The following CALD1 variants were observed in gnomAD, a reference collection of about 807,000 sequenced individuals.
CALD1 encodes caldesmon 1, also known as caldesmon.
In CALD1, 33 loss-of-function variants were observed where a neutral mutation model predicts 99.9. The ratio of observed to expected loss-of-function variants is 0.33; its 90% confidence interval spans 0.25 to 0.44. The LOEUF (loss-of-function observed/expected upper bound fraction) is 0.44. Ranked by LOEUF, CALD1 falls within the 20% of genes least tolerant of loss-of-function variation. CALD1 has a pLI of 1.00. For missense variants in CALD1, 861 were observed against 962.1 expected (o/e 0.89, Z 1.39); for synonymous variants, 310 against 325.0 (o/e 0.95, Z 0.50).
chr7:134,762,240 A>G (rs1360588517), intron 1 of CALD1, among the ~76,000 whole-genome samples: 1 of 152,212 alleles, frequency 6.6e-6, no homozygotes, highest in East Asian at 1.9e-4. Context: ...CTTCTAAGTG[A>G]GTGTAGTCCC....
intron 3 of CALD1, among the ~76,000 whole-genome samples, chr7:134,914,753 T>C (rs1378928483): frequency 6.6e-6 from 1 of 152,224 alleles, no homozygotes; most frequent in African/African-American, 2.4e-5. Context: ...CTCCCAATGC[T>C]AGCCATCCCA....
chr7:134,765,605 T>G (rs960040811), intron 1 of CALD1, among the ~76,000 whole-genome samples: 1 of 152,218 alleles, frequency 6.6e-6, no homozygotes, highest in Non-Finnish European at 1.5e-5. Context: ...TATCAATGTA[T>G]TCCCAGGTGA....
At chr7:134,901,630 G>A (rs1803006069) in intron 3 of CALD1, among the ~76,000 whole-genome samples, 1 of 152,086 alleles carries the variant, frequency 6.6e-6, no homozygotes, top group African/African-American at 2.4e-5. Context: ...TTGTCTCACA[G>A]TTGTGGAGGC....
intron 1 of CALD1, among the ~76,000 whole-genome samples, chr7:134,766,915 C>T (rs888863081): frequency 3.3e-5 from 5 of 152,052 alleles, no homozygotes; most frequent in Non-Finnish European, 7.4e-5. Context: ...TGGGGAGGGG[C>T]TGCTTCATAA....
intron 3 of CALD1, among the ~76,000 whole-genome samples, chr7:134,918,981 AGAG>A (rs1328634033): frequency 2.6e-5 from 4 of 152,222 alleles, no homozygotes; most frequent in Non-Finnish European, 4.4e-5. Flanking sequence ...GCTGGGTTAC[AGAG>A]GAGAACTTGT....
At chr7:134,855,153 TC>T (rs1342376501) in intron 2 of CALD1, among the ~76,000 whole-genome samples, 3 of 152,194 alleles carry the variant, frequency 2.0e-5, no homozygotes, top group Non-Finnish European at 4.4e-5. Flanking sequence ...CTCAGATGGT[TC>T]TTTATAGCAG....
chr7:134,909,425 G>T (rs572428868), intron 3 of CALD1, among the ~76,000 whole-genome samples: 2 of 152,250 alleles, frequency 1.3e-5, no homozygotes. Context: ...GCTCACGCCT[G>T]TAATCCTAGC....
At chr7:134,734,110 T>C in the CALD1 span, among the ~76,000 whole-genome samples, 7 of 152,110 alleles carry the variant, frequency 4.6e-5, no homozygotes, top group African/African-American at 1.4e-4. Context: ...AAACAAATTA[T>C]TCTTGAGCTT....
At chr7:134,867,985 A>G in intron 3 of CALD1, 181 bp downstream of exon 3, 1 of 415,294 alleles carries the variant, frequency 2.4e-6, no homozygotes, top group Non-Finnish European at 4.4e-6. Flanking sequence ...AAGGAAAACA[A>G]ACAAGAATCA....
intron 1 of CALD1, among the ~76,000 whole-genome samples, chr7:134,784,895 C>A (rs180794410): frequency 3.3e-5 from 5 of 152,262 alleles, no homozygotes; most frequent in Admixed American, 6.5e-5. Context: ...TGGAAAATTT[C>A]TTCTGTGTTT....
chr7:134,740,863 T>G (rs1308993913), upstream of CALD1, among the ~76,000 whole-genome samples: 1 of 152,228 alleles, frequency 6.6e-6, no homozygotes, highest in Non-Finnish European at 1.5e-5. Context: ...CAACAATGGT[T>G]GGAGTTAGCA....
chr7:134,807,410 A>G (rs1350506497), intron 1 of CALD1, among the ~76,000 whole-genome samples: 1 of 152,158 alleles, frequency 6.6e-6, no homozygotes, highest in Non-Finnish European at 1.5e-5. Flanking sequence ...TACTAGCTAC[A>G]GGGGGCCTTT....
chr7:134,743,560 G>A (rs1199405993), upstream of CALD1, among the ~76,000 whole-genome samples: 3 of 152,026 alleles, frequency 2.0e-5, no homozygotes, highest in Admixed American at 6.6e-5. Context: ...CTGTTTTGTC[G>A]AACATCTCTT....
the CALD1 span, among the ~76,000 whole-genome samples, chr7:134,718,934 A>T: frequency 2.6e-3 from 389 of 152,332 alleles, 1 homozygote; most frequent in African/African-American, 8.7e-3. Context: ...AAGTTGAATG[A>T]AATAATTACC....
At chr7:134,807,774 C>T (rs1798201839) in intron 1 of CALD1, among the ~76,000 whole-genome samples, 9 of 152,060 alleles carry the variant, frequency 5.9e-5, no homozygotes, top group Admixed American at 5.9e-4. Flanking sequence ...ATTACAGGTG[C>T]CCGCCACCAT....
At chr7:134,939,565 T>C (rs11976025) in intron 6 of CALD1, among the ~76,000 whole-genome samples, 2 of 152,172 alleles carry the variant, frequency 1.3e-5, no homozygotes, top group Admixed American at 6.5e-5. Flanking sequence ...TAGGGCAGCA[T>C]AGAAGTGAAT....
intron 3 of CALD1, among the ~76,000 whole-genome samples, chr7:134,873,512 A>G (rs2132368151): frequency 6.6e-6 from 1 of 152,378 alleles, no homozygotes. Context: ...GCAAGTATAA[A>G]AAAGTGCTAG....
At chr7:134,864,888 T>C (rs1399001305) in intron 2 of CALD1, among the ~76,000 whole-genome samples, 1 of 152,210 alleles carries the variant, frequency 6.6e-6, no homozygotes, top group Non-Finnish European at 1.5e-5. Context: ...AATTTTTCAA[T>C]AGCATGACCA....
chr7:134,860,854 C>G (rs940355075), intron 2 of CALD1, among the ~76,000 whole-genome samples: 2 of 151,898 alleles, frequency 1.3e-5, no homozygotes, highest in African/African-American at 4.8e-5. Flanking sequence ...AAAATTTGAG[C>G]ATGAAATTCA....
Sources: gnomAD v4.1 joint callset for allele counts (sites outside exome capture counted in the v4.1 genomes callset) on GRCh38, gnomAD v4.1.1 for gene constraint, MANE v1.5 for transcripts, NCBI Gene and HGNC (gene_info 2026-07-23, HGNC 2026-07-21) for gene names.